Variants in WNT5B observed in about 807,000 individuals in gnomAD.
WNT5B encodes protein Wnt-5b.
Under a neutral mutation model 36.5 loss-of-function variants are expected in WNT5B, and 18 were observed. That is an observed-to-expected ratio of 0.49 (90% CI 0.34 to 0.73). WNT5B has a LOEUF of 0.73. WNT5B is among the 30% of genes least tolerant of loss of function. The pLI is 0.01. For synonymous variants in WNT5B, 213 were observed against 212.3 expected (o/e 1.00, Z -0.03); for missense variants, 424 against 508.4 (o/e 0.83, Z 1.60).
At chr12:1,640,881 G>A (rs2240507) in intron 4 of WNT5B, among the ~76,000 whole-genome samples, 23,205 of 152,240 alleles carry the variant, frequency 0.15, 1,878 homozygotes, top group East Asian at 0.23. Context: ...GACAGGGACC[G>A]AGGGCAACAT....
chr12:1,633,247 G>A lies in WNT5B; in HGVS notation c.328+342G>A, dbSNP rs1024066700. Among the ~76,000 whole-genome samples the A allele has an allele frequency of 1.3e-5, 2 of 152,118 alleles. No individual in the cohort carries two copies. Among genetic ancestry groups the A allele is most frequent in the African/African-American group, 2.4e-5 (1 of 41,426 alleles). On this transcript the variant is annotated intron_variant, in intron 3 of 4. Coordinates refer to ENST00000397196, the MANE Select transcript of WNT5B (RefSeq NM_032642.3). The surrounding 1 kb of genome is among the most constrained non-coding windows in gnomAD (Gnocchi z 4.8). ...GAGTGGATTAGGAGAGCCGCCCACC[G>A]CCACTGCCTTTGTGTCTCAGTGCAA...
intron 4 of WNT5B, 46 bp downstream of exon 4, chr12:1,640,022 G>T (rs774264489): frequency 1.3e-6 from 2 of 1,563,310 alleles, no homozygotes; most frequent in South Asian, 1.2e-5. Flanking sequence ...GACCTAGGGG[G>T]CTGTTCCCGG....
chr12:1,630,702 A>G lies in WNT5B; in HGVS notation c.-57-596A>G, dbSNP rs2094548994. On this transcript the variant is annotated intron_variant, in intron 1 of 4. Transcript: ENST00000397196. This position sits in a 1 kb window ranked among gnomAD's most constrained non-coding sequence, Gnocchi z 5.3. ...CATTTCTCAGAGAAGCTGCCTTGAG[A>G]AAGTGAAAAGTCCTTGATCTGTACG... 6.6e-6 allele frequency: 1 copy of G among 152,232 alleles called. No individual in the cohort carries two copies. Among genetic ancestry groups the G allele is most frequent in the South Asian group, 2.1e-4 (1 of 4,830 alleles). The allele number at this position is 152,232 out of a possible 1,614,324, so 9.4% of individuals were successfully genotyped here.
At chr12:1,640,008 T>C (rs1264540047) in intron 4 of WNT5B, 32 bp downstream of exon 4, 1 of 1,587,048 alleles carries the variant, frequency 6.3e-7, no homozygotes, top group Admixed American at 1.8e-5. Context: ...TCCCCAGCAC[T>C]GCAGACCTAG....
At chr12:1,623,117 G>A (rs578112266) in intron 1 of WNT5B, among the ~76,000 whole-genome samples, 4 of 151,066 alleles carry the variant, frequency 2.6e-5, no homozygotes, top group South Asian at 2.1e-4. Flanking sequence ...TCTGGAAGGC[G>A]TCATGTAATG....
chr12:1,626,481 T>A (rs2094541216), upstream of WNT5B, among the ~76,000 whole-genome samples: 1 of 151,976 alleles, frequency 6.6e-6, no homozygotes, highest in Non-Finnish European at 1.5e-5. Flanking sequence ...CAGGCTGGTC[T>A]CGAACTCCTG....
rs1026555869 is a variant in WNT5B, at chr12:1,618,364, C to T, written c.-58+1221C>T. ...GAAGTCCATTTATTTACTTCATTCA[C>T]TCTAAGTAGACAGGAATTTGCAGAA... On this transcript the variant is annotated intron_variant, in intron 1 of 4. Transcript: ENST00000310594. This position sits in a 1 kb window ranked among gnomAD's most constrained non-coding sequence, Gnocchi z 4.1. 6.6e-6 allele frequency among the ~76,000 whole-genome samples: 1 copy of T among 152,198 alleles called. No homozygotes were observed. Among genetic ancestry groups the T allele is most frequent in the Non-Finnish European group, 1.5e-5 (1 of 68,046 alleles).
rs1422057437 is a variant in WNT5B at position 1,618,549 on chromosome 12, C to T, written c.-58+1406C>T. On this transcript the variant is annotated intron_variant, in intron 1 of 4. Transcript: ENST00000310594. This position sits in a 1 kb window ranked among gnomAD's most constrained non-coding sequence, Gnocchi z 4.1. ...AGTCCATAGCCTTGTTCTCTTGAAACAATTCCTAAACCACACTGACCTGTG... is the reference window on the plus strand; with the variant it reads ...AGTCCATAGCCTTGTTCTCTTGAAATAATTCCTAAACCACACTGACCTGTG... Among the ~76,000 whole-genome samples, 2 of 152,236 alleles carry T rather than the reference C, an allele frequency of 1.3e-5. No individual in the cohort carries two copies. Among genetic ancestry groups the T allele is most frequent in the Non-Finnish European group, 2.9e-5 (2 of 68,044 alleles).
intron 4 of WNT5B, among the ~76,000 whole-genome samples, chr12:1,641,881 TC>T (rs776464657): frequency 2.6e-5 from 4 of 152,194 alleles, no homozygotes; most frequent in Non-Finnish European, 4.4e-5. Context: ...ATAGGAAGTG[TC>T]TTTTGTCTGA....
At position 1,631,453 on chromosome 12, in the gene WNT5B, G is replaced by A; in HGVS notation, c.80+19G>A. 6.2e-7 allele frequency: 1 copy of A among 1,613,990 alleles called. No homozygotes were observed. The highest frequency in any genetic ancestry group is 8.5e-7 in the Non-Finnish European group (1 of 1,179,998). ...CCTGGTGGTGAGTAAGAGGGGCTGA[G>A]GTCCTGCCTGCACAGCCGGAGGCCT... On this transcript the variant is annotated intron_variant, in intron 2 of 4. Transcript: ENST00000397196.
chr12:1,622,240 C>T (rs12297491), intron 1 of WNT5B, among the ~76,000 whole-genome samples: 1 of 151,260 alleles, frequency 6.6e-6, no homozygotes, highest in East Asian at 2.0e-4. Context: ...CCTCCTGAGT[C>T]GCTGGGACTA....
At chr12:1,637,431 C>T (rs2094563887) in intron 3 of WNT5B, among the ~76,000 whole-genome samples, 1 of 152,084 alleles carries the variant, frequency 6.6e-6, no homozygotes, top group South Asian at 2.1e-4. Flanking sequence ...CATGGTTTTC[C>T]AGTGCATATA....
At chr12:1,639,616 ACGGGGGGAAGGACAGGTCCCC>A in intron 3 of WNT5B, 47 bp from the exon 4 acceptor site, 2 of 1,424,800 alleles carry the variant, frequency 1.4e-6, no homozygotes, top group Non-Finnish European at 1.8e-6. Flanking sequence ...GTCGGGGGAG[ACGGGGGGAAGGACAGGTCCCC>A]GGGAGAGGAG....
In WNT5B at chr12:1,639,669, G is replaced by GCAGGCA; in HGVS notation, c.329-15_329-14insCAGGCA. ...GGAGAGCGCACCCGCTTACCGCCCT[G>GCAGGCA]GCCTCATTCTGCAGGCAGCCGAGAG... is the stretch of plus-strand genomic sequence containing the variant. On this transcript the variant is annotated splice_polypyrimidine_tract_variant and intron_variant, in intron 3 of 4. Coordinates refer to ENST00000397196, the MANE Select transcript of WNT5B (RefSeq NM_032642.3). 6.6e-7 allele frequency: 1 copy of GCAGGCA among 1,523,968 alleles called. No homozygotes were observed. The highest frequency in any genetic ancestry group is 8.7e-7 in the Non-Finnish European group (1 of 1,145,780). 94.4% of individuals were successfully genotyped at this position (1,523,968 alleles called of 1,614,324 possible).
chr12:1,623,562 G>A (rs756942286), intron 1 of WNT5B, among the ~76,000 whole-genome samples: 42 of 152,076 alleles, frequency 2.8e-4, no homozygotes, highest in African/African-American at 9.9e-4. Flanking sequence ...CTCCTCGATC[G>A]CTATATCTAC....
rs988284597 is a variant in WNT5B, at chr12:1,641,729, G to A, written c.621+1753G>A. Among the ~76,000 whole-genome samples, 2 of 152,084 alleles carry A rather than the reference G, an allele frequency of 1.3e-5. 1 individual carries two copies. Among genetic ancestry groups the A allele is most frequent in the Admixed American group, 1.3e-4 (2 of 15,262 alleles). ...CGAGGCAGGAGAATTGCTTGAGCCA[G>A]AGGTTGCAGTGAGCCAAGATCCTGC... On this transcript the variant is annotated intron_variant, in intron 4 of 4. Transcript: ENST00000397196.
chr12:1,631,996 CT>C (rs2094551841), intron 2 of WNT5B, among the ~76,000 whole-genome samples: 1 of 152,164 alleles, frequency 6.6e-6, no homozygotes, highest in South Asian at 2.1e-4. Flanking sequence ...ATCTAACACT[CT>C]ATATGGCTGG....
chr12:1,646,913 C>T lies in WNT5B; in HGVS notation c.*661C>T, dbSNP rs193259724. ...CGAGAATTCTTCATCCTCCACGGTTCACTAGCTCCTACCTGAAGAGGAAAG... is the reference window on the plus strand; with the variant it reads ...CGAGAATTCTTCATCCTCCACGGTTTACTAGCTCCTACCTGAAGAGGAAAG... On this transcript the variant is annotated 3_prime_UTR_variant, in exon 5 of 5. Transcript: ENST00000397196. 1 of 152,330 alleles carries T rather than the reference C, an allele frequency of 6.6e-6. No homozygotes were observed. Among genetic ancestry groups the T allele is most frequent in the East Asian group, 1.9e-4 (1 of 5,176 alleles). 9.4% of individuals were successfully genotyped at this position (152,330 alleles called of 1,614,324 possible).
chr12:1,646,394 C>G lies in WNT5B; in HGVS notation c.*142C>G. 1.4e-6 allele frequency: 1 copy of G among 724,198 alleles called. No individual in the cohort carries two copies. Among genetic ancestry groups the G allele is most frequent in the Non-Finnish European group, 1.9e-6 (1 of 519,304 alleles). The allele number at this position is 724,198 out of a possible 1,614,324, so 44.9% of individuals were successfully genotyped here. On this transcript the variant is annotated 3_prime_UTR_variant, in exon 5 of 5. Transcript: ENST00000397196. Reference sequence around the variant, plus strand: ...GAAAGATGAAAATGGAAAGGAAGAGCTTATTTAAGAGACGCTGGAGATCTC... The same window carrying G: ...GAAAGATGAAAATGGAAAGGAAGAGGTTATTTAAGAGACGCTGGAGATCTC...
Sources: allele counts gnomAD v4.1 joint callset (sites outside exome capture counted in the v4.1 genomes callset), GRCh38; gene constraint gnomAD v4.1.1; non-coding constraint Gnocchi (gnomAD v3.1); transcripts MANE v1.5; gene names NCBI Gene and HGNC (gene_info 2026-07-23, HGNC 2026-07-21).